The following WDR72 variants were observed in gnomAD, a reference collection of about 807,000 sequenced individuals.
The protein encoded by WDR72 is WD repeat domain 72.
WDR72 carries 120 observed loss-of-function variants against 124.2 expected under a neutral mutation model. The ratio of observed to expected loss-of-function variants is 0.97; its 90% CI spans 0.83 to 1.12. WDR72 has a LOEUF of 1.12. Among genes scored for constraint, WDR72 ranks in the 50% most tolerant of loss-of-function variants. WDR72 has a pLI of 0.00. For missense variants in WDR72, 1,387 were observed against 1,278.8 expected (o/e 1.08, Z -1.29); for synonymous variants, 452 against 441.7 (o/e 1.02, Z -0.29).
intron 12 of WDR72, among the ~76,000 whole-genome samples, chr15:53,701,752 T>A (rs148365899): frequency 0.01 from 1,576 of 152,254 alleles, 35 homozygotes; most frequent in African/African-American, 0.036. Context: ...TATAGATTCC[T>A]ATATTGTTTG....
At chr15:53,760,606 A>C (rs1349586320), upstream of WDR72, among the ~76,000 whole-genome samples, 1 of 152,180 alleles carries the variant, frequency 6.6e-6, no homozygotes, top group Non-Finnish European at 1.5e-5. Context: ...GGTTGATTCA[A>C]AATCTTGGCT....
At chr15:53,639,508 A>ATATATAATTTTATTTATTTATAAAATTT (rs1566998190) in intron 14 of WDR72, among the ~76,000 whole-genome samples, 7 of 145,182 alleles carry the variant, frequency 4.8e-5, no homozygotes, top group Middle Eastern at 3.6e-3. Context: ...TTATAAAATT[A>ATATATAATTTTATTTATTTATAAAATTT]TATATAATTT....
intron 18 of WDR72, among the ~76,000 whole-genome samples, chr15:53,593,612 A>T (rs1014031966): frequency 1.3e-5 from 2 of 151,954 alleles, no homozygotes; most frequent in African/African-American, 4.8e-5. Context: ...AAATACAAAA[A>T]TTAGCCAGGT....
rs1440043562 is a variant in WDR72, at chr15:53,737,819, T to C, written c.-12-4658A>G. ...GTATTAGTAACATCACAAAAATATA[T>C]AGATTCCTGCATCTAGGAATTAAAT... On this transcript the variant is annotated intron_variant, in intron 1 of 19. Coordinates refer to ENST00000360509, the MANE Select transcript of WDR72 (RefSeq NM_182758.4). Among the ~76,000 whole-genome samples the C allele has an allele frequency of 3.3e-5, 5 of 152,274 alleles. No homozygotes were observed. The South Asian group carries it at 8.3e-4, about 25-fold the overall frequency.
At chr15:53,612,492 C>T (rs932712884) in intron 16 of WDR72, among the ~76,000 whole-genome samples, 2 of 151,870 alleles carry the variant, frequency 1.3e-5, no homozygotes, top group Non-Finnish European at 2.9e-5. Context: ...ATATGAAGGT[C>T]TAGGGAAAGA....
chr15:53,675,532 CTGAG>C (rs1186307796), intron 13 of WDR72, among the ~76,000 whole-genome samples: 13 of 152,248 alleles, frequency 8.5e-5, no homozygotes, highest in Middle Eastern at 3.4e-3. Context: ...TATACTGCTA[CTGAG>C]TATTTCAAAA....
Position 53,743,629 on chromosome 15 carries a change from C to A in WDR72, c.-12-10468G>T, listed in dbSNP as rs554250452. Among the ~76,000 whole-genome samples the A allele has an allele frequency of 8.5e-5, 13 of 152,174 alleles. No individual in the cohort carries two copies. In the South Asian group the frequency reaches 2.7e-3, roughly 32 times the overall value. The stretch of plus-strand genomic sequence containing the variant: ...GCAATGTTCCAAATCATTAGGATTT[C>A]CGGTTTTAATATTGATTTTTAAAGT... On this transcript the variant is annotated intron_variant, in intron 1 of 19. Coordinates refer to ENST00000360509, the MANE Select transcript of WDR72 (RefSeq NM_182758.4).
chr15:53,698,865 A>G (rs1213808755), intron 13 of WDR72, among the ~76,000 whole-genome samples: 1 of 152,228 alleles, frequency 6.6e-6, no homozygotes, highest in Non-Finnish European at 1.5e-5. Context: ...TGGGAAAATG[A>G]GCAGGAAAGC....
At chr15:53,604,738 C>T (rs992969789) in intron 17 of WDR72, among the ~76,000 whole-genome samples, 2 of 152,134 alleles carry the variant, frequency 1.3e-5, no homozygotes, top group South Asian at 4.1e-4. Flanking sequence ...CTTAACATCA[C>T]TAATCACTGG....
At chr15:53,758,316 T>G (rs1464107668) in intron 1 of WDR72, among the ~76,000 whole-genome samples, 2 of 152,120 alleles carry the variant, frequency 1.3e-5, no homozygotes, top group Non-Finnish European at 2.9e-5. Context: ...AATATTTTCT[T>G]GACAAAATAC....
chr15:53,722,972 A>G, intron 2 of WDR72, 64 bp from the exon 3 acceptor site: 1 of 1,414,802 alleles, frequency 7.1e-7, no homozygotes. Context: ...AAACACCACA[A>G]TATAGTATTC....
chr15:53,528,946 A>G (rs1389412150), intron 18 of WDR72, among the ~76,000 whole-genome samples: 1 of 151,968 alleles, frequency 6.6e-6, no homozygotes, highest in East Asian at 1.9e-4. Context: ...AAGGCACAAT[A>G]AAAACTTTTT....
intron 1 of WDR72, among the ~76,000 whole-genome samples, chr15:53,734,709 G>A (rs930351114): frequency 1.3e-5 from 2 of 151,740 alleles, no homozygotes; most frequent in East Asian, 3.9e-4. Context: ...CTTGCTCAAT[G>A]AAAGAGGAAC....
At chr15:53,749,072 C>T (rs1426811250) in intron 1 of WDR72, among the ~76,000 whole-genome samples, 1 of 152,048 alleles carries the variant, frequency 6.6e-6, no homozygotes, top group Non-Finnish European at 1.5e-5. Flanking sequence ...CAAGAGTGTC[C>T]AGGGAGGGAG....
At chr15:53,545,612 TC>T (rs1042488519) in intron 18 of WDR72, among the ~76,000 whole-genome samples, 28 of 151,620 alleles carry the variant, frequency 1.8e-4, no homozygotes, top group Non-Finnish European at 4.1e-4. Flanking sequence ...GGGAAGGATT[TC>T]ATGTCCAAAA....
At chr15:53,686,438 C>G (rs1159674184) in intron 13 of WDR72, among the ~76,000 whole-genome samples, 1 of 149,380 alleles carries the variant, frequency 6.7e-6, no homozygotes, top group East Asian at 2.0e-4. Flanking sequence ...AGACTTTAAA[C>G]CAACAAAGAT....
intron 13 of WDR72, among the ~76,000 whole-genome samples, chr15:53,698,980 A>C (rs973910536): frequency 3.9e-5 from 6 of 152,214 alleles, no homozygotes; most frequent in African/African-American, 1.4e-4. Flanking sequence ...AGTAAAATGC[A>C]AAGAAAATAG....
chr15:53,732,202 A>T (rs745976007), intron 2 of WDR72, among the ~76,000 whole-genome samples: 1 of 152,196 alleles, frequency 6.6e-6, no homozygotes, highest in Non-Finnish European at 1.5e-5. Context: ...GGGAGATGTT[A>T]ATTAATTACA....
chr15:53,684,452 G>A (rs369231977), intron 13 of WDR72: 28 of 155,852 alleles, frequency 1.8e-4, no homozygotes, highest in African/African-American at 3.9e-4. Flanking sequence ...GGTGACAGAC[G>A]GCACCTGGAA....
Sources: allele counts gnomAD v4.1 joint callset (sites outside exome capture counted in the v4.1 genomes callset), GRCh38; gene constraint gnomAD v4.1.1; transcripts MANE v1.5; gene names NCBI Gene and HGNC (gene_info 2026-07-23, HGNC 2026-07-21).